UGP2: variants seen among roughly 807,000 people sequenced by gnomAD.
The protein encoded by UGP2 is UDP-glucose pyrophosphorylase 2, also known as UTP--glucose-1-phosphate uridylyltransferase.
Under a neutral mutation model 49.0 loss-of-function variants are expected in UGP2, and 40 were observed. The ratio of observed to expected loss-of-function variants is 0.82; its 90% CI spans 0.63 to 1.06. UGP2 has a LOEUF of 1.06. Ranked by LOEUF, UGP2 falls within the 50% of genes least tolerant of loss-of-function variation. The pLI, the probability that UGP2 is intolerant of heterozygous loss-of-function variation, is 0.00. For synonymous variants in UGP2, 225 were observed against 213.0 expected (o/e 1.06, Z -0.49); for missense variants, 460 against 603.5 (o/e 0.76, Z 2.49).
chr2:63,884,402 A>C (rs1671518194), intron 5 of UGP2, among the ~76,000 whole-genome samples: 3 of 152,290 alleles, frequency 2.0e-5, no homozygotes, highest in South Asian at 4.1e-4. Context: ...AAATCTTTTT[A>C]TATTCCTACA....
intron 2 of UGP2, chr2:63,856,843 G>A (rs753843577): frequency 2.2e-6 from 1 of 457,306 alleles, no homozygotes; most frequent in South Asian, 1.6e-5. Flanking sequence ...AAGTTTTCCA[G>A]AACTGGGAGG....
Position 63,883,977 on chromosome 2 carries a change from C to T in UGP2, c.459C>T (p.Tyr153=), listed in dbSNP as rs1360158987. 7 of 1,609,610 alleles carry T rather than the reference C, an allele frequency of 4.3e-6. No homozygotes were observed. The highest frequency in any genetic ancestry group is 5.1e-6 in the Non-Finnish European group (6 of 1,178,826). Residue 153 remains tyrosine (Y), a synonymous_variant, in exon 5 of 10, where the codon TAC becomes TAT. Coordinates refer to ENST00000337130, the MANE Select transcript of UGP2 (RefSeq NM_006759.4). Reference sequence around the variant, plus strand: ...CTCCCTAGCATTTGAATAAAACCTACAATACAGATGTTCCTCTTGTTTTAA... The same window carrying T: ...CTCCCTAGCATTTGAATAAAACCTATAATACAGATGTTCCTCTTGTTTTAA... The part of the protein sequence containing the change: ...VQQIEHLNKT[Y]NTDVPLVLMN...
At chr2:63,852,356 A>G (rs1669099489) in intron 1 of UGP2, among the ~76,000 whole-genome samples, 1 of 152,214 alleles carries the variant, frequency 6.6e-6, no homozygotes, top group South Asian at 2.1e-4. Flanking sequence ...TCTGTGTTTT[A>G]ACCAGCCTCC....
In UGP2 at chr2:63,890,092, T is replaced by C; in HGVS notation, c.1326T>C (p.Tyr442=). 1.2e-6 allele frequency: 2 copies of C among 1,609,394 alleles called. No individual in the cohort carries two copies. The highest frequency in any genetic ancestry group is 2.7e-5 in the African/African-American group (2 of 74,732). ...LGSSFTKVQD[Y]LRRFESIPDM... is the part of the protein sequence containing the mutation. ...TCCTTTTCTGTAAGGTTCAAGATTA[T>C]CTAAGAAGATTTGAAAGTATACCAG... is the stretch of plus-strand genomic sequence containing the variant. The change falls in exon 9 of 10, where the codon TAT becomes TAC. Residue 442 remains tyrosine (Y), a synonymous_variant. Coordinates refer to ENST00000337130, the MANE Select transcript of UGP2 (RefSeq NM_006759.4).
chr2:63,869,953 C>T (rs1181240680), intron 3 of UGP2, among the ~76,000 whole-genome samples: 2 of 141,892 alleles, frequency 1.4e-5, no homozygotes, highest in South Asian at 2.2e-4. Flanking sequence ...GACAGAGTCT[C>T]GCTCTGTCAC....
intron 3 of UGP2, among the ~76,000 whole-genome samples, chr2:63,864,306 TAGTC>T (rs1670033971): frequency 6.6e-6 from 1 of 152,186 alleles, no homozygotes; most frequent in Non-Finnish European, 1.5e-5. Flanking sequence ...CAGGTGTAGA[TAGTC>T]AGGCCCTAAG....
chr2:63,842,052 C>T lies in UGP2; in HGVS notation c.-134C>T. Reference sequence around the variant, plus strand: ...TTTTAATCGCTTTGAATAAATACTCCCTTAAGTAGTTAAATATAGGAGGAG... The same window carrying T: ...TTTTAATCGCTTTGAATAAATACTCTCTTAAGTAGTTAAATATAGGAGGAG... On this transcript the variant is annotated 5_prime_UTR_variant, in exon 1 of 10. Transcript: ENST00000337130. 1 of 1,091,596 alleles carries T rather than the reference C, an allele frequency of 9.2e-7. No individual in the cohort carries two copies. The highest frequency in any genetic ancestry group is 1.3e-6 in the Non-Finnish European group (1 of 772,126). The allele number at this position is 1,091,596 out of a possible 1,614,324, so 67.6% of individuals were successfully genotyped here.
intron 8 of UGP2, 53 bp from the exon 9 acceptor site, chr2:63,890,024 CCTGT>C (rs1337173479): frequency 1.4e-5 from 18 of 1,308,738 alleles, no homozygotes; most frequent in African/African-American, 4.5e-5. Flanking sequence ...TAATATTTTT[CCTGT>C]CTTTCTTTGA....
chr2:63,844,681 C>T (rs6546031), intron 1 of UGP2, among the ~76,000 whole-genome samples: 5 of 151,984 alleles, frequency 3.3e-5, no homozygotes, highest in Non-Finnish European at 7.4e-5. Flanking sequence ...CCCACCTCAG[C>T]CCCCTGAGTA....
chr2:63,878,880 T>C (rs1671106763), intron 3 of UGP2, among the ~76,000 whole-genome samples: 1 of 152,184 alleles, frequency 6.6e-6, no homozygotes, highest in South Asian at 2.1e-4. Context: ...CTTTCTATTA[T>C]TTATGGTGTG....
At chr2:63,890,017 T>C in intron 8 of UGP2, 64 bp from the exon 9 acceptor site, 1 of 1,271,752 alleles carries the variant, frequency 7.9e-7, no homozygotes, top group Non-Finnish European at 1.1e-6. Flanking sequence ...TTCTTGTTAA[T>C]ATTTTTCCTG....
chr2:63,861,808 A>G (rs1297578084), intron 3 of UGP2, among the ~76,000 whole-genome samples: 1 of 152,080 alleles, frequency 6.6e-6, no homozygotes, highest in Non-Finnish European at 1.5e-5. Flanking sequence ...GAGAATTGGC[A>G]TGAAGAGAAT....
intron 3 of UGP2, among the ~76,000 whole-genome samples, chr2:63,865,652 C>G (rs377264707): frequency 6.6e-6 from 1 of 151,508 alleles, no homozygotes; most frequent in East Asian, 2.0e-4. Context: ...GATCCTCTTG[C>G]CTCGACCTCT....
intron 1 of UGP2, 114 bp downstream of exon 1, chr2:63,842,318 C>T: frequency 6.2e-7 from 1 of 1,606,916 alleles, no homozygotes. Flanking sequence ...ATAACATTTG[C>T]GAAACCCTTT....
At chr2:63,884,943 T>C (rs567316958) in intron 5 of UGP2, among the ~76,000 whole-genome samples, 1 of 150,480 alleles carries the variant, frequency 6.6e-6, no homozygotes, top group African/African-American at 2.4e-5. Flanking sequence ...ATTTCTAAAG[T>C]TGTGTCATTA....
At chr2:63,843,071 A>G (rs1558928166) in intron 1 of UGP2, among the ~76,000 whole-genome samples, 1 of 152,214 alleles carries the variant, frequency 6.6e-6, no homozygotes, top group Non-Finnish European at 1.5e-5. Context: ...TAAAGTTCAC[A>G]AACACTTATT....
intron 3 of UGP2, among the ~76,000 whole-genome samples, chr2:63,863,559 A>C (rs1208113437): frequency 2.0e-5 from 3 of 152,224 alleles, no homozygotes; most frequent in Non-Finnish European, 2.9e-5. Flanking sequence ...GTAGGTTAAC[A>C]CATGAGCATT....
At chr2:63,886,614 A>G in intron 7 of UGP2, 76 bp downstream of exon 7, 1 of 1,501,372 alleles carries the variant, frequency 6.7e-7, no homozygotes, top group Non-Finnish European at 9.1e-7. Context: ...CCCATCGCCC[A>G]CTCCCTCTGT....
chr2:63,847,044 T>C (rs1671982465), intron 1 of UGP2, among the ~76,000 whole-genome samples: 1 of 152,222 alleles, frequency 6.6e-6, no homozygotes. Context: ...GTGGTTAAAT[T>C]GTCCGTGTTC....
Sources: allele counts gnomAD v4.1 joint callset (sites outside exome capture counted in the v4.1 genomes callset), GRCh38; gene constraint gnomAD v4.1.1; transcripts MANE v1.5; gene names NCBI Gene and HGNC (gene_info 2026-07-23, HGNC 2026-07-21).